SBF2: variants seen among roughly 807,000 people sequenced by gnomAD.
SBF2 encodes the protein SET binding factor 2.
Under a neutral mutation model 225.2 loss-of-function variants are expected in SBF2, and 112 were observed. The ratio of observed to expected loss-of-function variants is 0.50; its 90% CI spans 0.43 to 0.58. SBF2 has a LOEUF of 0.58. SBF2 is among the 20% of genes least tolerant of loss of function. SBF2 has a pLI of 0.00. For synonymous variants in SBF2, 763 were observed against 773.3 expected (o/e 0.99, Z 0.22); for missense variants, 1,996 against 2,206.2 (o/e 0.90, Z 1.91).
chr11:10,059,554 C>T (rs1266136420), intron 2 of SBF2, among the ~76,000 whole-genome samples: 1 of 152,044 alleles, frequency 6.6e-6, no homozygotes, highest in Admixed American at 6.6e-5. Context: ...CAGAAGTTTC[C>T]ACCCAAAAAC....
At chr11:9,782,028 A>G (rs1852040411) in intron 38 of SBF2, among the ~76,000 whole-genome samples, 1 of 151,940 alleles carries the variant, frequency 6.6e-6, no homozygotes, top group Non-Finnish European at 1.5e-5. Flanking sequence ...CTACAAAAAC[A>G]TACAAAAATC....
At chr11:9,966,724 A>G (rs1308128864) in intron 14 of SBF2, among the ~76,000 whole-genome samples, 1 of 152,230 alleles carries the variant, frequency 6.6e-6, no homozygotes, top group Admixed American at 6.5e-5. Context: ...AAATAGCCCA[A>G]TTTCAAAATG....
chr11:9,984,876 A>G lies in SBF2; in HGVS notation c.1395+4621T>C, dbSNP rs1190594063. On this transcript the variant is annotated intron_variant, in intron 13 of 39. Coordinates refer to ENST00000256190, the MANE Select transcript of SBF2 (RefSeq NM_030962.4). The stretch of plus-strand genomic sequence containing the variant: ...GATACAGTCATTTTTCAGACAAACA[A>G]ATGCTGAAAGAATTTGCCATTACCA... 2.0e-5 allele frequency among the ~76,000 whole-genome samples: 3 copies of G among 152,198 alleles called. No homozygotes were observed. The East Asian group carries it at 5.8e-4, about 29-fold the overall frequency.
chr11:10,106,402 G>A (rs1455771577), intron 2 of SBF2, among the ~76,000 whole-genome samples: 4 of 152,074 alleles, frequency 2.6e-5, no homozygotes, highest in African/African-American at 4.8e-5. Context: ...CGAGGCAGGC[G>A]GCTCACCTGA....
chr11:10,236,103 T>C (rs956419134), intron 1 of SBF2, among the ~76,000 whole-genome samples: 6 of 152,040 alleles, frequency 3.9e-5, no homozygotes, highest in Admixed American at 2.6e-4. Flanking sequence ...GGAGTCCTCA[T>C]ATAACCAGAA....
At position 10,264,666 on chromosome 11, in the gene SBF2, C is replaced by T. The variant is rs538992542; in HGVS notation, c.55+29349G>A. On this transcript the variant is annotated intron_variant, in intron 1 of 39. Transcript: ENST00000256190. ...TTGTTACATAGTTATATACATGCTA[C>T]GATGGTTTGCTGCACCTATCAACTC... Among the ~76,000 whole-genome samples, 18 of 152,146 alleles carry T rather than the reference C, an allele frequency of 1.2e-4. 1 individual carries two copies. Among genetic ancestry groups the T allele is most frequent in the African/African-American group, 3.6e-4 (15 of 41,498 alleles).
intron 16 of SBF2, among the ~76,000 whole-genome samples, chr11:9,949,737 T>C (rs1426660549): frequency 6.6e-6 from 1 of 152,144 alleles, no homozygotes; most frequent in African/African-American, 2.4e-5. Flanking sequence ...TTATATTGTA[T>C]CTATCTGATT....
At chr11:9,982,563 A>G (rs1947004170) in intron 13 of SBF2, among the ~76,000 whole-genome samples, 1 of 152,246 alleles carries the variant, frequency 6.6e-6, no homozygotes, top group South Asian at 2.1e-4. Flanking sequence ...GACTGTCTAA[A>G]TAGAGTGGAT....
intron 1 of SBF2, among the ~76,000 whole-genome samples, chr11:10,242,529 A>T (rs1204739793): frequency 6.6e-6 from 1 of 152,038 alleles, no homozygotes; most frequent in East Asian, 1.9e-4. Flanking sequence ...AAAATTCACC[A>T]ATCAAAGGAG....
At chr11:10,158,871 C>T (rs1244810195) in intron 2 of SBF2, among the ~76,000 whole-genome samples, 1 of 152,122 alleles carries the variant, frequency 6.6e-6, no homozygotes, top group Non-Finnish European at 1.5e-5. Flanking sequence ...ATTTAGTATA[C>T]CACATTAACA....
At chr11:9,972,656 T>C (rs1266080331) in intron 13 of SBF2, among the ~76,000 whole-genome samples, 1 of 152,184 alleles carries the variant, frequency 6.6e-6, no homozygotes, top group Non-Finnish European at 1.5e-5. Flanking sequence ...AATTCTTTTG[T>C]ATTTTTAGTA....
At position 10,294,058 on chromosome 11, in the gene SBF2, C is replaced by T; in HGVS notation, c.12G>A (p.Leu4=). 1 of 1,397,262 alleles carries T rather than the reference C, an allele frequency of 7.2e-7. No individual in the cohort carries two copies. Among genetic ancestry groups the T allele is most frequent in the Non-Finnish European group, 9.3e-7 (1 of 1,069,802 alleles). The allele number at this position is 1,397,262 out of a possible 1,614,324, so 86.6% of individuals were successfully genotyped here. The change falls in exon 1 of 40, where the codon CTG becomes CTA. Residue 4 remains leucine, a synonymous_variant. Transcript: ENST00000256190. The part of the protein sequence containing the change: MAR[L]ADYFIVVGYD... ...AGCCTACCACGATGAAGTAGTCAGC[C>T]AGCCGGGCCATGGCCGCCGCCGCCG...
chr11:9,892,081 GGTTT>G (rs752937435), intron 17 of SBF2, among the ~76,000 whole-genome samples: 1 of 152,000 alleles, frequency 6.6e-6, no homozygotes, highest in African/African-American at 2.4e-5. Flanking sequence ...TAGAGTAAAT[GGTTT>G]GTTTTTGTTA....
At chr11:10,105,386 CATG>C (rs1952503392) in intron 2 of SBF2, among the ~76,000 whole-genome samples, 1 of 152,184 alleles carries the variant, frequency 6.6e-6, no homozygotes, top group Non-Finnish European at 1.5e-5. Flanking sequence ...GCTACTAAAA[CATG>C]ATGATAGAAA....
rs1276411065 is a variant in SBF2, at chr11:9,795,103, T to C, written c.4570+728A>G. On this transcript the variant is annotated intron_variant, in intron 33 of 39. Transcript: ENST00000256190. ...TGTTTCCTCTCCCCCGTAACAGTTA[T>C]AAAAGTAAGAATGTAAAATTCCCTT... 1.1e-4 allele frequency among the ~76,000 whole-genome samples: 16 copies of C among 152,204 alleles called. 1 individual carries two copies.
chr11:9,889,205 G>A (rs574431955), intron 17 of SBF2, among the ~76,000 whole-genome samples: 6 of 152,138 alleles, frequency 3.9e-5, no homozygotes, highest in Non-Finnish European at 8.8e-5. Flanking sequence ...CAACTGATTA[G>A]GTCAGTTAGA....
At chr11:10,264,565 ATTTT>A (rs898040820) in intron 1 of SBF2, among the ~76,000 whole-genome samples, 16 of 151,932 alleles carry the variant, frequency 1.1e-4, no homozygotes, top group African/African-American at 3.9e-4. Context: ...TACTTTATTT[ATTTT>A]TTTATTTTTG....
chr11:9,896,657 C>G (rs952657578), intron 16 of SBF2, among the ~76,000 whole-genome samples: 1 of 151,962 alleles, frequency 6.6e-6, no homozygotes, highest in East Asian at 1.9e-4. Context: ...GGCATGGTGG[C>G]GGGCGCCTGT....
intron 2 of SBF2, among the ~76,000 whole-genome samples, chr11:10,137,800 A>T (rs1327149957): frequency 6.6e-6 from 1 of 152,088 alleles, no homozygotes; most frequent in Non-Finnish European, 1.5e-5. Context: ...TGTGGTCCAG[A>T]GTTCAAGACC....
Sources: gnomAD v4.1 joint callset for allele counts (sites outside exome capture counted in the v4.1 genomes callset) on GRCh38, gnomAD v4.1.1 for gene constraint, MANE v1.5 for transcripts, NCBI Gene and HGNC (gene_info 2026-07-23, HGNC 2026-07-21) for gene names.